The following PANK3 variants were observed in gnomAD, a reference collection of about 807,000 sequenced individuals.
PANK3 encodes hPanK3.
In PANK3, 20 loss-of-function variants were observed where a neutral mutation model predicts 39.4. That is an observed-to-expected ratio of 0.51 (90% CI 0.36 to 0.74). The LOEUF (loss-of-function observed/expected upper bound fraction) is 0.74, where lower values mean the gene tolerates loss of function less well. Ranked by LOEUF, PANK3 falls within the 30% of genes least tolerant of loss-of-function variation. The pLI, the probability that PANK3 is intolerant of heterozygous loss-of-function variation, is 0.00. For synonymous variants in PANK3, 140 were observed against 157.3 expected (o/e 0.89, Z 0.82); for missense variants, 265 against 437.0 (o/e 0.61, Z 3.51).
At chr5:168,571,373 C>A (rs1759627659) in intron 1 of PANK3, among the ~76,000 whole-genome samples, 1 of 152,146 alleles carries the variant, frequency 6.6e-6, no homozygotes, top group Non-Finnish European at 1.5e-5. Context: ...CTCATTTAAT[C>A]CTCAGTACCC....
chr5:168,553,128 T>G lies in PANK3; in HGVS notation c.*4443A>C. 2.2e-6 allele frequency: 1 copy of G among 447,592 alleles called. No individual in the cohort carries two copies. 27.7% of individuals were successfully genotyped at this position (447,592 alleles called of 1,614,324 possible). A position where few individuals can be genotyped will look rare whatever the true frequency, so the allele number is the denominator to read the frequency against. On this transcript the variant is annotated 3_prime_UTR_variant, in exon 7 of 7. Coordinates refer to ENST00000239231, the MANE Select transcript of PANK3 (RefSeq NM_024594.4). ...CAGGGCAAAATGGAAGGGCTACACT[T>G]TATAGGACAGCTGGAAGGATGGTAA...
chr5:168,559,095 A>G lies in PANK3; in HGVS notation c.999T>C (p.Leu333=). The change falls in exon 6 of 7, where the codon CTT becomes CTC. Residue 333 remains leucine (L), a synonymous_variant. Transcript: ENST00000239231. The stretch of plus-strand genomic sequence containing the variant: ...ACCAGTAATCCAGTGCATATGCCAA[A>G]AGTTTCATTGAGAGGGTATTGACAC... ...FLRVNTLSMK[L]LAYALDYWSK... 6.2e-7 allele frequency: 1 copy of G among 1,608,988 alleles called. No individual in the cohort carries two copies. Among genetic ancestry groups the G allele is most frequent in the Non-Finnish European group, 8.5e-7 (1 of 1,176,162 alleles).
In PANK3 at chr5:168,562,148, A is replaced by G. The variant is rs192919836; in HGVS notation, c.813-632T>C. Reference sequence around the variant, plus strand: ...TGGCTAGAGGCTACTGTAATGGACAATGCAGGCCTACATACAAAAGACAGC... The same window carrying G: ...TGGCTAGAGGCTACTGTAATGGACAGTGCAGGCCTACATACAAAAGACAGC... On this transcript the variant is annotated intron_variant, in intron 4 of 6. Coordinates refer to ENST00000239231, the MANE Select transcript of PANK3 (RefSeq NM_024594.4). 2.4e-3 allele frequency among the ~76,000 whole-genome samples: 371 copies of G among 152,336 alleles called. 1 individual carries two copies. The highest frequency in any genetic ancestry group is 8.4e-3 in the African/African-American group (351 of 41,578).
chr5:168,577,079 C>T lies in PANK3; in HGVS notation c.28+2177G>A, dbSNP rs998120579. 2.0e-5 allele frequency among the ~76,000 whole-genome samples: 3 copies of T among 151,148 alleles called. No individual in the cohort carries two copies. In the South Asian group the frequency reaches 6.3e-4, roughly 32 times the overall value. ...TATTTTTAGTAGAGATGGGGTTTCA[C>T]CATGTTGGTCAGGCTGGTCTCGAAC... On this transcript the variant is annotated intron_variant, in intron 1 of 6. Coordinates refer to ENST00000239231, the MANE Select transcript of PANK3 (RefSeq NM_024594.4).
rs570458237 is a variant in PANK3 at position 168,555,015 on chromosome 5, G to A, written c.*2556C>T. On this transcript the variant is annotated 3_prime_UTR_variant, in exon 7 of 7. Transcript: ENST00000239231. ...AGCTTTTCCCATATGTAATCTAGAGGTACTGGAATAATAAGAACACAAAAT... is the reference window on the plus strand; with the variant it reads ...AGCTTTTCCCATATGTAATCTAGAGATACTGGAATAATAAGAACACAAAAT... The A allele has an allele frequency of 6.6e-6, 1 of 152,092 alleles. No homozygotes were observed. Among genetic ancestry groups the A allele is most frequent in the Non-Finnish European group, 1.5e-5 (1 of 68,024 alleles). 9.4% of individuals were successfully genotyped at this position (152,092 alleles called of 1,614,324 possible). A position where few individuals can be genotyped will look rare whatever the true frequency, so the allele number is the denominator to read the frequency against.
chr5:168,578,647 G>C (rs1211938793), intron 1 of PANK3: 7 of 152,232 alleles, frequency 4.6e-5, no homozygotes, highest in Non-Finnish European at 7.3e-5. Context: ...AATATTAATA[G>C]CGGTTCGCTC....
chr5:168,566,663 TAAC>T (rs1254940850), intron 2 of PANK3, among the ~76,000 whole-genome samples: 1 of 152,182 alleles, frequency 6.6e-6, no homozygotes, highest in African/African-American at 2.4e-5. Flanking sequence ...GGCTAGAGAA[TAAC>T]AAAGTTATTT....
chr5:168,560,950 A>C (rs773654610), intron 5 of PANK3: 1 of 517,060 alleles, frequency 1.9e-6, no homozygotes, highest in Non-Finnish European at 4.0e-6. Context: ...ACAAGGCAGC[A>C]CTGTAAAGAA....
In PANK3 at chr5:168,561,417, C is replaced by A; in HGVS notation, c.912G>T (p.Val304=). 6.3e-7 allele frequency: 1 copy of A among 1,588,684 alleles called. No homozygotes were observed. Among genetic ancestry groups the A allele is most frequent in the Non-Finnish European group, 8.5e-7 (1 of 1,169,714 alleles). The change falls in exon 5 of 7, where the codon GTG becomes GTT. Residue 304 remains valine, a synonymous_variant. Transcript: ENST00000239231. ...CCTCATTAACAGCACACATTCGTGCCACAGAACCAATGTTATTGGTGATAG... is the reference window on the plus strand; with the variant it reads ...CCTCATTAACAGCACACATTCGTGCAACAGAACCAATGTTATTGGTGATAG... ...LVTITNNIGS[V]ARMCAVNEKI...
intron 1 of PANK3, among the ~76,000 whole-genome samples, chr5:168,576,346 T>A (rs908016287): frequency 6.6e-6 from 1 of 152,230 alleles, no homozygotes; most frequent in Non-Finnish European, 1.5e-5. Context: ...CTTAAATACA[T>A]GTATCACCTT....
chr5:168,575,203 T>G (rs1759713470), intron 1 of PANK3, among the ~76,000 whole-genome samples: 1 of 152,210 alleles, frequency 6.6e-6, no homozygotes, highest in South Asian at 2.1e-4. Context: ...TAGCTCTTAT[T>G]CTATGTCTCA....
chr5:168,555,914 A>C lies in PANK3; in HGVS notation c.*1657T>G, dbSNP rs1055151305. 6.6e-6 allele frequency: 1 copy of C among 152,258 alleles called. No homozygotes were observed. The highest frequency in any genetic ancestry group is 1.5e-5 in the Non-Finnish European group (1 of 68,054). The allele number at this position is 152,258 out of a possible 1,614,324, so 9.4% of individuals were successfully genotyped here. ...TCCATTGATACTGATAAAGTTGCCT[A>C]AGACACAACTTCCTACATAGAGGAA... On this transcript the variant is annotated 3_prime_UTR_variant, in exon 7 of 7. Transcript: ENST00000239231.
chr5:168,553,253 C>G lies in PANK3; in HGVS notation c.*4318G>C. The G allele has an allele frequency of 1.9e-6, 1 of 517,184 alleles. No individual in the cohort carries two copies. The highest frequency in any genetic ancestry group is 1.5e-5 in the South Asian group (1 of 68,874). The allele number at this position is 517,184 out of a possible 1,614,324, so 32.0% of individuals were successfully genotyped here. ...CCAACGACGTCCAGCTGGTTGAGAG[C>G]ACTAAAGGTACCCCAAAGGGGAGTA... On this transcript the variant is annotated 3_prime_UTR_variant, in exon 7 of 7. Coordinates refer to ENST00000239231, the MANE Select transcript of PANK3 (RefSeq NM_024594.4).
In PANK3 at chr5:168,565,997, C is replaced by G; in HGVS notation, c.635+16G>C. The G allele has an allele frequency of 6.3e-7, 1 of 1,594,874 alleles. No homozygotes were observed. The highest frequency in any genetic ancestry group is 1.3e-5 in the African/African-American group (1 of 74,154). ...AAACAATGTGAATGCAGCAATACAA[C>G]CAAAAAGGTCACTACCTTGTCCCAG... On this transcript the variant is annotated intron_variant, in intron 3 of 6. Coordinates refer to ENST00000239231, the MANE Select transcript of PANK3 (RefSeq NM_024594.4).
rs1759347812 is a variant in PANK3, at chr5:168,556,312, G to A, written c.*1259C>T. ...TTTTCAGAGAGTTAGAGGAGGTGGA[G>A]AGATTTACTCCTGCCATGGATCATA... On this transcript the variant is annotated 3_prime_UTR_variant, in exon 7 of 7. Transcript: ENST00000239231. 1 of 152,208 alleles carries A rather than the reference G, an allele frequency of 6.6e-6. No individual in the cohort carries two copies. The highest frequency in any genetic ancestry group is 1.5e-5 in the Non-Finnish European group (1 of 68,044). 9.4% of individuals were successfully genotyped at this position (152,208 alleles called of 1,614,324 possible).
rs894441307 is a variant in PANK3 at position 168,550,742 on chromosome 5, A to G, written c.*6829T>C. 1 of 152,108 alleles carries G rather than the reference A, an allele frequency of 6.6e-6. No homozygotes were observed. Among genetic ancestry groups the G allele is most frequent in the African/African-American group, 2.4e-5 (1 of 41,434 alleles). The allele number at this position is 152,108 out of a possible 1,614,324, so 9.4% of individuals were successfully genotyped here. A position where few individuals can be genotyped will look rare whatever the true frequency, so the allele number is the denominator to read the frequency against. On this transcript the variant is annotated 3_prime_UTR_variant, in exon 7 of 7. Transcript: ENST00000239231. ...ACACCAAATACCTGAAAAAAAATTT[A>G]CTTTAGTTATCTCAAACACAGCCAT... is the stretch of plus-strand genomic sequence containing the variant.
intron 3 of PANK3, 128 bp downstream of exon 3, chr5:168,565,885 A>ATATATATATATATAT (rs1441027360): frequency 1.0e-5 from 2 of 192,932 alleles, no homozygotes; most frequent in African/African-American, 5.3e-5. Context: ...ATATATATAT[A>ATATATATATATATAT]TTTTTTTTTT....
In PANK3 at chr5:168,549,668, G is replaced by GA. The variant is rs1561836834; in HGVS notation, c.*7902dup. ...CAGCAAAAACGCCGAAATTCTATAA[G>GA]AAAAAAACTGATTTACCCCAAACAT... On this transcript the variant is annotated 3_prime_UTR_variant, in exon 7 of 7. Coordinates refer to ENST00000239231, the MANE Select transcript of PANK3 (RefSeq NM_024594.4). The GA allele has an allele frequency of 6.6e-6, 1 of 152,046 alleles. No individual in the cohort carries two copies. Among genetic ancestry groups the GA allele is most frequent in the African/African-American group, 2.4e-5 (1 of 41,390 alleles). The allele number at this position is 152,046 out of a possible 1,614,324, so 9.4% of individuals were successfully genotyped here.
intron 6 of PANK3, among the ~76,000 whole-genome samples, 194 bp from the exon 7 acceptor site, chr5:168,557,815 T>C (rs953260988): frequency 1.3e-5 from 2 of 152,218 alleles, no homozygotes; most frequent in Admixed American, 6.5e-5. Flanking sequence ...CTTTGAAATA[T>C]GTATTTTTAT....
Sources: gnomAD v4.1 joint callset for allele counts (sites outside exome capture counted in the v4.1 genomes callset) on GRCh38, gnomAD v4.1.1 for gene constraint, MANE v1.5 for transcripts, NCBI Gene and HGNC (gene_info 2026-07-23, HGNC 2026-07-21) for gene names.